Variants in ITPR1 observed in about 807,000 individuals in gnomAD.
The protein encoded by ITPR1 is inositol 1,4,5-trisphosphate receptor type 1.
A neutral mutation model predicts 318.4 loss-of-function variants in ITPR1; 96 were observed. The ratio of observed to expected loss-of-function variants is 0.30; its 90% confidence interval spans 0.26 to 0.36. The LOEUF (loss-of-function observed/expected upper bound fraction) is 0.36. Among genes scored for constraint, ITPR1 ranks in the 10% least tolerant of loss-of-function variants. ITPR1 has a pLI of 1.00. For synonymous variants in ITPR1, 1,312 were observed against 1,289.9 expected (o/e 1.02, Z -0.37); for missense variants, 2,440 against 3,460.2 (o/e 0.71, Z 7.40).
chr3:4,603,477 T>C (rs1363130335), intron 4 of ITPR1, among the ~76,000 whole-genome samples: 1 of 152,160 alleles, frequency 6.6e-6, no homozygotes, highest in Non-Finnish European at 1.5e-5. Flanking sequence ...TCACCCAGGC[T>C]GGAGTGCAGT....
intron 52 of ITPR1, among the ~76,000 whole-genome samples, chr3:4,788,514 C>T (rs781752120): frequency 6.6e-6 from 1 of 152,232 alleles, no homozygotes; most frequent in African/African-American, 2.4e-5. Context: ...CTTGCTGGCT[C>T]ATTTACTAGC....
chr3:4,736,720 G>A (rs1398718096), intron 44 of ITPR1, among the ~76,000 whole-genome samples: 2 of 152,202 alleles, frequency 1.3e-5, no homozygotes, highest in South Asian at 2.1e-4. Flanking sequence ...TCTCATCAAT[G>A]GAATGTTGCC....
chr3:4,728,206 G>T (rs577099282), intron 42 of ITPR1, among the ~76,000 whole-genome samples: 2 of 152,284 alleles, frequency 1.3e-5, no homozygotes, highest in South Asian at 4.2e-4. Flanking sequence ...ACTGTGCCTT[G>T]CCAAACCATT....
chr3:4,786,031 T>C (rs987112025), intron 51 of ITPR1, among the ~76,000 whole-genome samples: 1 of 152,222 alleles, frequency 6.6e-6, no homozygotes, highest in African/African-American at 2.4e-5. Context: ...TGAACTAGGC[T>C]GGGTAGCCCT....
chr3:4,679,438 G>A (rs1456210971), intron 24 of ITPR1, among the ~76,000 whole-genome samples: 1 of 152,198 alleles, frequency 6.6e-6, no homozygotes, highest in African/African-American at 2.4e-5. Context: ...AGCTGAAGGT[G>A]TAACTCTCAG....
chr3:4,687,697 G>A (rs1449475353), intron 30 of ITPR1, among the ~76,000 whole-genome samples: 1 of 152,148 alleles, frequency 6.6e-6, no homozygotes, highest in Non-Finnish European at 1.5e-5. Flanking sequence ...TATAGAATTG[G>A]CTTATTACGG....
At chr3:4,793,864 C>T (rs941837419) in intron 52 of ITPR1, among the ~76,000 whole-genome samples, 27 of 152,146 alleles carry the variant, frequency 1.8e-4, no homozygotes, top group African/African-American at 6.5e-4. Context: ...CAAGTGCAAA[C>T]ATGATATGGG....
At chr3:4,794,079 TCTG>T (rs2047742175) in intron 52 of ITPR1, among the ~76,000 whole-genome samples, 3 of 152,200 alleles carry the variant, frequency 2.0e-5, no homozygotes, top group African/African-American at 7.2e-5. Context: ...CATGCTTTTC[TCTG>T]GAGGGGGATG....
At chr3:4,821,308 G>T (rs1335947802) in intron 60 of ITPR1, among the ~76,000 whole-genome samples, 1 of 152,208 alleles carries the variant, frequency 6.6e-6, no homozygotes, top group Non-Finnish European at 1.5e-5. Context: ...TTTAGCCCAT[G>T]GTTGAAGATC....
At chr3:4,680,774 A>G (rs2094282190) in intron 25 of ITPR1, 83 bp downstream of exon 25, 3 of 1,232,222 alleles carry the variant, frequency 2.4e-6, no homozygotes, top group Non-Finnish European at 2.2e-6. Context: ...TATCTTCTAG[A>G]AAAAGGGTGA....
chr3:4,648,215 A>G (rs985402172), intron 10 of ITPR1, among the ~76,000 whole-genome samples: 1 of 152,028 alleles, frequency 6.6e-6, no homozygotes, highest in African/African-American at 2.4e-5. Context: ...AGTTATGATA[A>G]AAAGGAATCT....
At chr3:4,614,299 A>C (rs1317381066) in intron 4 of ITPR1, among the ~76,000 whole-genome samples, 1 of 152,192 alleles carries the variant, frequency 6.6e-6, no homozygotes, top group African/African-American at 2.4e-5. Context: ...TGTGAAATTC[A>C]TCCATGTTGT....
intron 55 of ITPR1, among the ~76,000 whole-genome samples, chr3:4,807,323 T>C (rs2048643556): frequency 6.6e-6 from 1 of 152,194 alleles, no homozygotes; most frequent in African/African-American, 2.4e-5. Flanking sequence ...CAGTTCAGCA[T>C]CAGAAGCTGG....
intron 4 of ITPR1, among the ~76,000 whole-genome samples, chr3:4,556,188 C>G (rs1258443652): frequency 6.6e-6 from 1 of 152,158 alleles, no homozygotes; most frequent in Non-Finnish European, 1.5e-5. Context: ...GTCCCTTCCC[C>G]TACTCCACAG....
rs772569862 is a variant in ITPR1 at position 4,818,077 on chromosome 3, T to G, written c.7868-5T>G. ...GGGGCTGGGGGCTTTTTGTCTCATTTTTAGGCTTGGAAAGAGACAAGTTTG... is the reference window on the plus strand; with the variant it reads ...GGGGCTGGGGGCTTTTTGTCTCATTGTTAGGCTTGGAAAGAGACAAGTTTG... On this transcript the variant is annotated splice_region_variant and splice_polypyrimidine_tract_variant and intron_variant, in intron 59 of 61. Transcript: ENST00000649015. 6.3e-7 allele frequency: 1 copy of G among 1,594,872 alleles called. No homozygotes were observed. Among genetic ancestry groups the G allele is most frequent in the Non-Finnish European group, 8.6e-7 (1 of 1,166,370 alleles).
chr3:4,733,147 A>T lies in ITPR1; in HGVS notation c.5280A>T (p.Gly1760=), dbSNP rs765007514. 1.2e-6 allele frequency: 2 copies of T among 1,613,964 alleles called. No homozygotes were observed. The highest frequency in any genetic ancestry group is 1.7e-6 in the Non-Finnish European group (2 of 1,179,870). Residue 1760 remains glycine (G), a synonymous_variant, in exon 43 of 62, where the codon GGA becomes GGT. Coordinates refer to ENST00000649015, the MANE Select transcript of ITPR1 (RefSeq NM_001378452.1). ...NRYYGNVRPS[G]RRESLTSFGN... Reference sequence around the variant, plus strand: ...ACTATGGAAACGTCAGACCTTCGGGACGAAGAGAGAGCCTTACCAGCTTTG... The same window carrying T: ...ACTATGGAAACGTCAGACCTTCGGGTCGAAGAGAGAGCCTTACCAGCTTTG...
intron 2 of ITPR1, among the ~76,000 whole-genome samples, chr3:4,509,881 T>G (rs776684685): frequency 6.6e-6 from 1 of 152,228 alleles, no homozygotes; most frequent in East Asian, 1.9e-4. Flanking sequence ...GACTGCTTGC[T>G]CTATCCCAGG....
chr3:4,579,028 G>T (rs762026520), intron 4 of ITPR1, among the ~76,000 whole-genome samples: 1 of 152,164 alleles, frequency 6.6e-6, no homozygotes, highest in African/African-American at 2.4e-5. Context: ...TCCAGGCGAG[G>T]CTGTTGTGAC....
intron 60 of ITPR1, among the ~76,000 whole-genome samples, chr3:4,832,666 A>G (rs931146873): frequency 3.3e-5 from 5 of 152,222 alleles, no homozygotes; most frequent in Admixed American, 2.0e-4. Flanking sequence ...TATCTGGTCT[A>G]CGTAACTTTT....
Sources: allele counts gnomAD v4.1 joint callset (sites outside exome capture counted in the v4.1 genomes callset), GRCh38; gene constraint gnomAD v4.1.1; transcripts MANE v1.5; gene names NCBI Gene and HGNC (gene_info 2026-07-23, HGNC 2026-07-21).